RCE1: variants seen among roughly 807,000 people sequenced by gnomAD.
The protein encoded by RCE1 is Ras converting CAAX endopeptidase 1.
In RCE1, 15 loss-of-function variants were observed where a neutral mutation model predicts 35.0. The ratio of observed to expected loss-of-function variants is 0.43; its 90% CI spans 0.29 to 0.66. The LOEUF (loss-of-function observed/expected upper bound fraction) is 0.66, where lower values mean the gene tolerates loss of function less well. RCE1 is among the 30% of genes least tolerant of loss of function. RCE1 has a pLI of 0.17. For missense variants in RCE1, 434 were observed against 433.0 expected (o/e 1.00, Z -0.02); for synonymous variants, 261 against 192.7 (o/e 1.35, Z -2.94).
rs1461920118 is a variant in RCE1, at chr11:66,846,489, C to T, written c.*394C>T. On this transcript the variant is annotated 3_prime_UTR_variant, in exon 8 of 8. Transcript: ENST00000309657. ...TTCTCATTGTCTTTTTGCATCAGTA[C>T]TTTGTATTGGGATATTAAAGAGATT... The T allele has an allele frequency of 6.0e-6, 1 of 166,926 alleles. No individual in the cohort carries two copies. Among genetic ancestry groups the T allele is most frequent in the Non-Finnish European group, 1.2e-5 (1 of 82,314 alleles). 10.3% of individuals were successfully genotyped at this position (166,926 alleles called of 1,614,324 possible). A position where few individuals can be genotyped will look rare whatever the true frequency, so the allele number is the denominator to read the frequency against.
chr11:66,843,802 G>T lies in RCE1; in HGVS notation c.229G>T (p.Val77Leu). The change falls in exon 2 of 8, where the codon GTG (valine) becomes TTG (leucine). Residue 77 changes from valine to leucine, a missense_variant. Val to Leu is a conservative substitution (Grantham distance 32). Transcript: ENST00000309657. ...CAAGCGACGCTTCACCAGCGTCCTGGTGGTGTCCAGTCTCTCACCCCTGTG... is the reference window on the plus strand; with the variant it reads ...CAAGCGACGCTTCACCAGCGTCCTGTTGGTGTCCAGTCTCTCACCCCTGTG... ...VIKRRFTSVLVVSSLSPLCVL... is the reference protein window; with the variant it reads ...VIKRRFTSVLLVSSLSPLCVL... The T allele has an allele frequency of 3.1e-6, 5 of 1,614,072 alleles. No homozygotes were observed. The highest frequency in any genetic ancestry group is 4.2e-6 in the Non-Finnish European group (5 of 1,180,034).
chr11:66,845,359 GGGTGCAGGACAGCTGTA>G, intron 6 of RCE1, 122 bp downstream of exon 6: 1 of 1,580,836 alleles, frequency 6.3e-7, no homozygotes, highest in Non-Finnish European at 8.7e-7. Context: ...TGGGAAGTTG[GGGTGCAGGACAGCTGTA>G]GGTGGTGGGG....
In RCE1 at chr11:66,845,443, A is replaced by G. The variant is rs1395244489; in HGVS notation, c.692-57A>G. On this transcript the variant is annotated intron_variant, in intron 6 of 7. Coordinates refer to ENST00000309657, the MANE Select transcript of RCE1 (RefSeq NM_005133.3). ...GTCGGTCTTTGGCTGATGGGTATGT[A>G]GTGTGGGGGCAGGAAGGGCGTGCAG... 8 of 1,612,518 alleles carry G rather than the reference A, an allele frequency of 5.0e-6. No individual in the cohort carries two copies. The African/African-American group carries it at 9.4e-5, about 19-fold the overall frequency.
In RCE1 at chr11:66,844,983, C is replaced by T. The variant is rs923507733; in HGVS notation, c.566C>T (p.Pro189Leu). 3.7e-6 allele frequency: 6 copies of T among 1,604,932 alleles called. No individual in the cohort carries two copies. The highest frequency in any genetic ancestry group is 3.3e-5 in the South Asian group (3 of 89,838). ...GCCTGTATGCTGCCCATGTTAGCACCGTGCATGGGCCTGGGCCCTGCTGTG... is the reference window on the plus strand; with the variant it reads ...GCCTGTATGCTGCCCATGTTAGCACTGTGCATGGGCCTGGGCCCTGCTGTG... ...FRACMLPMLAPCMGLGPAVFT... is the reference protein window; with the variant it reads ...FRACMLPMLALCMGLGPAVFT... Residue 189 changes from proline to leucine, a missense_variant, in exon 5 of 8, where the codon CCG becomes CTG. By Grantham distance (98) the Pro-to-Leu change is moderately conservative (BLOSUM62 -3). Coordinates refer to ENST00000309657, the MANE Select transcript of RCE1 (RefSeq NM_005133.3).
chr11:66,846,129 G>T lies in RCE1; in HGVS notation c.*34G>T. ...CCTGGATACGCTATGAACTCTCACCGGCTCCCCAGCCCTCCCCACCAAGGG... is the reference window on the plus strand; with the variant it reads ...CCTGGATACGCTATGAACTCTCACCTGCTCCCCAGCCCTCCCCACCAAGGG... On this transcript the variant is annotated 3_prime_UTR_variant, in exon 8 of 8. Transcript: ENST00000309657. The T allele has an allele frequency of 1.3e-6, 2 of 1,548,426 alleles. No individual in the cohort carries two copies. Among genetic ancestry groups the T allele is most frequent in the Non-Finnish European group, 1.7e-6 (2 of 1,149,110 alleles).
intron 5 of RCE1, 28 bp downstream of exon 5, chr11:66,845,064 T>C: frequency 6.2e-6 from 10 of 1,606,684 alleles, no homozygotes; most frequent in Non-Finnish European, 7.7e-6. Flanking sequence ...AGTCCTGGTG[T>C]GTTTTCAGCA....
chr11:66,843,871 A>C lies in RCE1; in HGVS notation c.288+10A>C, dbSNP rs1254200230. ...ACTCACAGGCATCCAGGTGCGAAGG[A>C]GGCGGGGCAAAGGGCAACGGCGGTG... On this transcript the variant is annotated intron_variant, in intron 2 of 7. Transcript: ENST00000309657. The C allele has an allele frequency of 5.0e-6, 8 of 1,613,880 alleles. No individual in the cohort carries two copies. Among genetic ancestry groups the C allele is most frequent in the Middle Eastern group, 1.6e-4 (1 of 6,082 alleles).
rs1945150028 is a variant in RCE1, at chr11:66,843,960, G to A, written c.293G>A (p.Gly98Asp). The change falls in exon 3 of 8, where the codon GGC (glycine) becomes GAC (aspartate). Residue 98 changes from glycine to aspartate, a missense_variant. By Grantham distance (94) the Gly-to-Asp change is moderately conservative. Coordinates refer to ENST00000309657, the MANE Select transcript of RCE1 (RefSeq NM_005133.3). ...LWRELTGIQPGTSLLTLMGFR... is the reference protein window; with the variant it reads ...LWRELTGIQPDTSLLTLMGFR... ...GCCCCCTTTCCTGTGGCTCAGCCAG[G>A]CACATCCCTGCTCACCCTGATGGGC... is the stretch of plus-strand genomic sequence containing the variant. 1 of 1,614,020 alleles carries A rather than the reference G, an allele frequency of 6.2e-7. No homozygotes were observed. Among genetic ancestry groups the A allele is most frequent in the Admixed American group, 1.7e-5 (1 of 60,004 alleles).
In RCE1 at chr11:66,845,079, A is replaced by C. The variant is rs77218191; in HGVS notation, c.619+43A>C. On this transcript the variant is annotated intron_variant, in intron 5 of 7. Coordinates refer to ENST00000309657, the MANE Select transcript of RCE1 (RefSeq NM_005133.3). ...AGTCCTGGTGTGTTTTCAGCATGAG[A>C]GCTCAGAAGGGGGCTTGAGGTGAGG... is the stretch of plus-strand genomic sequence containing the variant. 5,714 of 1,609,462 alleles carry C rather than the reference A, an allele frequency of 3.6e-3. 291 individuals carry two copies. In the East Asian group the frequency reaches 0.1, roughly 28 times the overall value.
chr11:66,843,743 A>C lies in RCE1; in HGVS notation c.186-16A>C. ...GGGCAGCCGCGGGCCCCCTGAACTT[A>C]CTGTCCCCTCCGTAGGGACCATCCC... On this transcript the variant is annotated splice_polypyrimidine_tract_variant and intron_variant, in intron 1 of 7. Transcript: ENST00000309657. The C allele has an allele frequency of 6.2e-7, 1 of 1,612,472 alleles. No individual in the cohort carries two copies. Among genetic ancestry groups the C allele is most frequent in the Non-Finnish European group, 8.5e-7 (1 of 1,179,692 alleles).
In RCE1 at chr11:66,844,611, C is replaced by T. The variant is rs1302979765; in HGVS notation, c.451+247C>T. ...CAGAGAGCACTGTCCCCTGCTTCCC[C>T]AACCAGAGCTAGTCTTGCTTAAATT... is the stretch of plus-strand genomic sequence containing the variant. On this transcript the variant is annotated intron_variant, in intron 4 of 7. Coordinates refer to ENST00000309657, the MANE Select transcript of RCE1 (RefSeq NM_005133.3). 8.3e-6 allele frequency: 6 copies of T among 724,392 alleles called. No individual in the cohort carries two copies. In the Admixed American group the frequency reaches 9.0e-5, roughly 11 times the overall value. 44.9% of individuals were successfully genotyped at this position (724,392 alleles called of 1,614,324 possible).
chr11:66,844,702 C>T, intron 4 of RCE1, 167 bp from the exon 5 acceptor site: 1 of 1,070,788 alleles, frequency 9.3e-7, no homozygotes. Context: ...TTCAGGTCAT[C>T]TCAAGACATT....
Position 66,845,965 on chromosome 11 carries a change from G to T in RCE1, c.860G>T (p.Gly287Val), listed in dbSNP as rs765519257. 14 of 1,613,694 alleles carry T rather than the reference G, an allele frequency of 8.7e-6. No homozygotes were observed. Among genetic ancestry groups the T allele is most frequent in the Non-Finnish European group, 1.2e-5 (14 of 1,180,044 alleles). ...EHPQRRPLLAGYALGVGLFLL... is the reference protein window; with the variant it reads ...EHPQRRPLLAVYALGVGLFLL... ...CCACAGAGGCGGCCCCTGCTGGCAGGCTATGCCCTGGGTGTGGGACTCTTC... is the reference window on the plus strand; with the variant it reads ...CCACAGAGGCGGCCCCTGCTGGCAGTCTATGCCCTGGGTGTGGGACTCTTC... The change falls in exon 8 of 8, where the codon GGC (glycine) becomes GTC (valine). Residue 287 changes from glycine to valine, a missense_variant. Physicochemically the swap from Gly to Val is moderately radical, Grantham distance 109. Coordinates refer to ENST00000309657, the MANE Select transcript of RCE1 (RefSeq NM_005133.3).
In RCE1 at chr11:66,844,593, C is replaced by T. The variant is rs1034296698; in HGVS notation, c.451+229C>T. 9.6e-6 allele frequency: 7 copies of T among 725,786 alleles called. No homozygotes were observed. The East Asian group carries it at 1.4e-4, about 14-fold the overall frequency. 45.0% of individuals were successfully genotyped at this position (725,786 alleles called of 1,614,324 possible). A position where few individuals can be genotyped will look rare whatever the true frequency, so the allele number is the denominator to read the frequency against. ...GCAGTATTTGGTGTGGATCAGAGAG[C>T]ACTGTCCCCTGCTTCCCCAACCAGA... is the stretch of plus-strand genomic sequence containing the variant. On this transcript the variant is annotated intron_variant, in intron 4 of 7. Transcript: ENST00000309657.
In RCE1 at chr11:66,846,014, G is replaced by A. The variant is rs753713165; in HGVS notation, c.909G>A (p.Thr303=). The change falls in exon 8 of 8, where the codon ACG becomes ACA. Residue 303 remains threonine (T), a synonymous_variant. Coordinates refer to ENST00000309657, the MANE Select transcript of RCE1 (RefSeq NM_005133.3). The stretch of plus-strand genomic sequence containing the variant: ...TCCTGCTTCTGCTCCAGCCCCTCAC[G>A]GACCCCAAGCTCTACGGCAGCCTTC... ...GLFLLLLQPL[T]DPKLYGSLPL... is the part of the protein sequence containing the mutation. 104 of 1,613,702 alleles carry A rather than the reference G, an allele frequency of 6.4e-5. No individual in the cohort carries two copies. The Admixed American group carries it at 1.6e-3, about 24-fold the overall frequency.
In RCE1 at chr11:66,843,484, G is replaced by A. The variant is rs1378996408; in HGVS notation, c.29G>A (p.Arg10Gln). 10 of 1,471,034 alleles carry A rather than the reference G, an allele frequency of 6.8e-6. No individual in the cohort carries two copies. The highest frequency in any genetic ancestry group is 8.9e-6 in the Non-Finnish European group (10 of 1,122,854). The allele number at this position is 1,471,034 out of a possible 1,614,324, so 91.1% of individuals were successfully genotyped here. A position where few individuals can be genotyped will look rare whatever the true frequency, so the allele number is the denominator to read the frequency against. Reference protein sequence around the residue: MAALGGDGLRLLSVSRPERP... With the variant: MAALGGDGLQLLSVSRPERP... ...GCGGCGCTGGGCGGGGATGGGCTGCGACTGCTGTCGGTGTCGCGGCCGGAG... is the reference window on the plus strand; with the variant it reads ...GCGGCGCTGGGCGGGGATGGGCTGCAACTGCTGTCGGTGTCGCGGCCGGAG... Residue 10 changes from arginine (R) to glutamine (Q), a missense_variant, in exon 1 of 8, where the codon CGA becomes CAA. Arg to Gln is a conservative substitution (Grantham distance 43, BLOSUM62 1). Coordinates refer to ENST00000309657, the MANE Select transcript of RCE1 (RefSeq NM_005133.3).
rs372107051 is a variant in RCE1 at position 66,846,096 on chromosome 11, C to T, written c.*1C>T. On this transcript the variant is annotated 3_prime_UTR_variant, in exon 8 of 8. Coordinates refer to ENST00000309657, the MANE Select transcript of RCE1 (RefSeq NM_005133.3). ...CTCAGAGGCTCCCCTGTGCTCCTGA[C>T]CTATGCTCCTGGATACGCTATGAAC... 3.1e-6 allele frequency: 5 copies of T among 1,602,882 alleles called. No homozygotes were observed. Among genetic ancestry groups the T allele is most frequent in the Non-Finnish European group, 4.3e-6 (5 of 1,175,730 alleles).
Position 66,845,201 on chromosome 11 carries a change from C to T in RCE1, c.655C>T (p.Arg219Cys), listed in dbSNP as rs753488799. The change falls in exon 6 of 8, where the codon CGC (arginine) becomes TGC (cysteine). Residue 219 changes from arginine (R) to cysteine (C), a missense_variant. Physicochemically the swap from Arg to Cys is radical, Grantham distance 180. Transcript: ENST00000309657. Reference protein sequence around the residue: ...FHHIIEQLRFRQSSVGNIFLS... With the variant: ...FHHIIEQLRFCQSSVGNIFLS... ...CCATATTATTGAGCAGCTGCGTTTC[C>T]GCCAGAGCAGCGTGGGGAACATCTT... 13 of 1,614,098 alleles carry T rather than the reference C, an allele frequency of 8.1e-6. No individual in the cohort carries two copies. The highest frequency in any genetic ancestry group is 2.7e-5 in the African/African-American group (2 of 74,922).
chr11:66,844,545 A>G (rs1413902341), intron 4 of RCE1, among the ~76,000 whole-genome samples, 181 bp downstream of exon 4: 1 of 152,206 alleles, frequency 6.6e-6, no homozygotes, highest in Non-Finnish European at 1.5e-5. Flanking sequence ...GCCAACGTCC[A>G]AGGAGTTCCC....
Sources: gnomAD v4.1 joint callset for allele counts (sites outside exome capture counted in the v4.1 genomes callset) on GRCh38, gnomAD v4.1.1 for gene constraint, MANE v1.5 for transcripts, NCBI Gene and HGNC (gene_info 2026-07-23, HGNC 2026-07-21) for gene names.